The following PRRC1 variants were observed in gnomAD, a reference collection of about 807,000 sequenced individuals.
PRRC1 encodes proline rich coiled-coil 1.
In PRRC1, 39 loss-of-function variants were observed where a neutral mutation model predicts 40.7. That is an observed-to-expected ratio of 0.96 (90% CI 0.74 to 1.25). The LOEUF is 1.25. Ranked by LOEUF, PRRC1 falls within the 50% of genes most tolerant of loss-of-function variation. The probability of loss-of-function intolerance (pLI) is 0.00; values close to 1 mark genes in which losing one functional copy is unlikely to be tolerated. For missense variants in PRRC1, 573 were observed against 548.3 expected (o/e 1.05, Z -0.45); for synonymous variants, 175 against 193.3 (o/e 0.91, Z 0.79).
Position 127,553,567 on chromosome 5 carries a change from T to G in PRRC1, c.*1651T>G, listed in dbSNP as rs1218545492. On this transcript the variant is annotated 3_prime_UTR_variant, in exon 9 of 9. Coordinates refer to ENST00000296666, the MANE Select transcript of PRRC1 (RefSeq NM_130809.5). ...TAAAAGCTATCCTTTTCTAGTAGTA[T>G]TTTATCATGGCAATGGCATGATGAC... The G allele has an allele frequency of 3.3e-5, 42 of 1,260,208 alleles. No homozygotes were observed. Among genetic ancestry groups the G allele is most frequent in the Non-Finnish European group, 4.2e-5 (42 of 996,414 alleles). The allele number at this position is 1,260,208 out of a possible 1,614,324, so 78.1% of individuals were successfully genotyped here.
chr5:127,535,140 A>G (rs1479221302), intron 6 of PRRC1, among the ~76,000 whole-genome samples: 1 of 152,210 alleles, frequency 6.6e-6, no homozygotes, highest in Non-Finnish European at 1.5e-5. Flanking sequence ...CTGTCAATAC[A>G]TAACTTTGTT....
intron 7 of PRRC1, among the ~76,000 whole-genome samples, chr5:127,542,626 T>G (rs1768081212): frequency 6.6e-6 from 1 of 151,654 alleles, no homozygotes; most frequent in African/African-American, 2.4e-5. Context: ...TACCATTATG[T>G]AATGGCCTTC....
In PRRC1 at chr5:127,551,923, A is replaced by G. The variant is rs1404573276; in HGVS notation, c.*7A>G. ...GCCACCCAGGACAGTGTGAGAGGAG[A>G]CCTACCTGGGAGACTGAGACTTTCC... On this transcript the variant is annotated 3_prime_UTR_variant, in exon 9 of 9. Coordinates refer to ENST00000296666, the MANE Select transcript of PRRC1 (RefSeq NM_130809.5). The G allele has an allele frequency of 8.7e-6, 14 of 1,613,718 alleles. No homozygotes were observed. The highest frequency in any genetic ancestry group is 1.3e-5 in the African/African-American group (1 of 74,890).
intron 1 of PRRC1, among the ~76,000 whole-genome samples, chr5:127,518,337 C>A (rs1011204862): frequency 2.0e-5 from 3 of 152,212 alleles, no homozygotes; most frequent in Non-Finnish European, 4.4e-5. Flanking sequence ...TGCTTAGCGC[C>A]GCTTGGGAGA....
intron 7 of PRRC1, among the ~76,000 whole-genome samples, chr5:127,543,033 T>C (rs151788): frequency 0.26 from 37,668 of 143,228 alleles, 5,689 homozygotes; most frequent in East Asian, 0.52. Flanking sequence ...TTTCCATGTT[T>C]AGTGCTTCCT....
At position 127,552,562 on chromosome 5, in the gene PRRC1, T is replaced by C; in HGVS notation, c.*646T>C. On this transcript the variant is annotated 3_prime_UTR_variant, in exon 9 of 9. Transcript: ENST00000296666. The stretch of plus-strand genomic sequence containing the variant: ...CTTTGTCAATTTTAAACATAACTTT[T>C]GGCATTTCCCAGATTTATACTATGA... The C allele has an allele frequency of 4.1e-6, 4 of 985,902 alleles. No homozygotes were observed. Among genetic ancestry groups the C allele is most frequent in the Non-Finnish European group, 4.8e-6 (4 of 829,872 alleles). The allele number at this position is 985,902 out of a possible 1,614,324, so 61.1% of individuals were successfully genotyped here.
At chr5:127,540,442 A>C (rs1355683206) in intron 7 of PRRC1, among the ~76,000 whole-genome samples, 1 of 152,002 alleles carries the variant, frequency 6.6e-6, no homozygotes, top group African/African-American at 2.4e-5. Context: ...TGTTCTTTGC[A>C]GTCAGTATTT....
At chr5:127,533,873 A>G in intron 6 of PRRC1, 87 bp downstream of exon 6, 1 of 1,404,778 alleles carries the variant, frequency 7.1e-7, no homozygotes, top group Non-Finnish European at 1.0e-6. Context: ...CTATGGAGCT[A>G]ATAGACTTTT....
At chr5:127,535,871 C>G (rs913478110) in intron 6 of PRRC1, among the ~76,000 whole-genome samples, 1 of 152,060 alleles carries the variant, frequency 6.6e-6, no homozygotes, top group Admixed American at 6.6e-5. Context: ...ATTTTTAATT[C>G]TACTAGGTAG....
chr5:127,549,960 A>G lies in PRRC1; in HGVS notation c.1129-1747A>G, dbSNP rs913351789. ...GAATATATACTGGAAAGAAGTAGACATGAAAGAATGAAGTGGACTCGTGTG... is the reference window on the plus strand; with the variant it reads ...GAATATATACTGGAAAGAAGTAGACGTGAAAGAATGAAGTGGACTCGTGTG... On this transcript the variant is annotated intron_variant, in intron 8 of 8. Coordinates refer to ENST00000296666, the MANE Select transcript of PRRC1 (RefSeq NM_130809.5). 4 of 151,994 alleles carry G rather than the reference A, an allele frequency of 2.6e-5. No individual in the cohort carries two copies. The South Asian group carries it at 6.2e-4, about 24-fold the overall frequency. 9.4% of individuals were successfully genotyped at this position (151,994 alleles called of 1,614,324 possible).
intron 7 of PRRC1, among the ~76,000 whole-genome samples, chr5:127,542,552 G>A (rs1768078450): frequency 6.6e-6 from 1 of 150,676 alleles, no homozygotes; most frequent in South Asian, 2.1e-4. Flanking sequence ...ATGAATCTGG[G>A]TGCTCCTGTA....
intron 2 of PRRC1, 185 bp downstream of exon 2, chr5:127,523,767 ACAT>A (rs1767528904): frequency 2.4e-6 from 1 of 415,728 alleles, no homozygotes. Context: ...AAGTAAGAAA[ACAT>A]CAGTGTTTTG....
chr5:127,553,059 G>C lies in PRRC1; in HGVS notation c.*1143G>C. The stretch of plus-strand genomic sequence containing the variant: ...AATAAATTTTTTTCTTAATACTGTT[G>C]GACTTTGTATATACAAGTTCAAATA... On this transcript the variant is annotated 3_prime_UTR_variant, in exon 9 of 9. Coordinates refer to ENST00000296666, the MANE Select transcript of PRRC1 (RefSeq NM_130809.5). 2.7e-6 allele frequency: 2 copies of C among 742,732 alleles called. No homozygotes were observed. Among genetic ancestry groups the C allele is most frequent in the Non-Finnish European group, 3.3e-6 (2 of 610,144 alleles). The allele number at this position is 742,732 out of a possible 1,614,324, so 46.0% of individuals were successfully genotyped here. A position where few individuals can be genotyped will look rare whatever the true frequency, so the allele number is the denominator to read the frequency against.
intron 8 of PRRC1, chr5:127,549,830 A>T (rs1223205814): frequency 6.6e-6 from 1 of 152,236 alleles, no homozygotes; most frequent in East Asian, 1.9e-4. Flanking sequence ...TGTCTGGCCC[A>T]CAAAGCCTAA....
rs1385515852 is a variant in PRRC1 at position 127,554,288 on chromosome 5, AGT to A, written c.*2374_*2375del. On this transcript the variant is annotated 3_prime_UTR_variant, in exon 9 of 9. Coordinates refer to ENST00000296666, the MANE Select transcript of PRRC1 (RefSeq NM_130809.5). ...CCTGCTCTAGCCTTGGCGGAGGGAG[AGT>A]GCTATTTGCTTTTGTTCTCCCTCTG... 1 of 155,544 alleles carries A rather than the reference AGT, an allele frequency of 6.4e-6. No homozygotes were observed. The highest frequency in any genetic ancestry group is 1.4e-5 in the Non-Finnish European group (1 of 70,610). The allele number at this position is 155,544 out of a possible 1,614,324, so 9.6% of individuals were successfully genotyped here. A position where few individuals can be genotyped will look rare whatever the true frequency, so the allele number is the denominator to read the frequency against.
chr5:127,541,074 T>C (rs1768032340), intron 7 of PRRC1, among the ~76,000 whole-genome samples: 1 of 152,250 alleles, frequency 6.6e-6, no homozygotes, highest in South Asian at 2.1e-4. Flanking sequence ...TGAAAGTTTT[T>C]AGCATGAAGA....
chr5:127,552,412 GAC>G lies in PRRC1; in HGVS notation c.*499_*500del. ...GCAGCCTGCTCAACAGTCACTATAAGACACCTACTTGTCGGGAGATGTTCCAC... is the reference window on the plus strand; with the variant it reads ...GCAGCCTGCTCAACAGTCACTATAAGACCTACTTGTCGGGAGATGTTCCAC... On this transcript the variant is annotated 3_prime_UTR_variant, in exon 9 of 9. Transcript: ENST00000296666. 1 of 932,048 alleles carries G rather than the reference GAC, an allele frequency of 1.1e-6. No individual in the cohort carries two copies. The highest frequency in any genetic ancestry group is 1.3e-6 in the Non-Finnish European group (1 of 780,074). The allele number at this position is 932,048 out of a possible 1,614,324, so 57.7% of individuals were successfully genotyped here.
chr5:127,521,069 C>G (rs543799509), intron 1 of PRRC1, among the ~76,000 whole-genome samples: 1 of 152,084 alleles, frequency 6.6e-6, no homozygotes, highest in East Asian at 1.9e-4. Context: ...TAGATTTTAG[C>G]CTGTAAATTG....
intron 4 of PRRC1, among the ~76,000 whole-genome samples, chr5:127,528,990 G>A (rs997925640): frequency 6.6e-6 from 1 of 152,186 alleles, no homozygotes; most frequent in African/African-American, 2.4e-5. Context: ...GTACTAACGT[G>A]TACTGAGGTG....
Sources: gnomAD v4.1 joint callset for allele counts (sites outside exome capture counted in the v4.1 genomes callset) on GRCh38, gnomAD v4.1.1 for gene constraint, MANE v1.5 for transcripts, NCBI Gene and HGNC (gene_info 2026-07-23, HGNC 2026-07-21) for gene names.